LYST: variants seen among roughly 807,000 people sequenced by gnomAD.
LYST encodes lysosomal trafficking regulator.
LYST carries 192 observed loss-of-function variants against 413.6 expected under a neutral mutation model. The observed-to-expected ratio is 0.46, with a 90% confidence interval of 0.41 to 0.52. The LOEUF (loss-of-function observed/expected upper bound fraction) is 0.52. Among genes scored for constraint, LYST ranks in the 20% least tolerant of loss-of-function variants. LYST has a pLI of 0.00. For synonymous variants in LYST, 1,525 were observed against 1,567.3 expected (o/e 0.97, Z 0.64); for missense variants, 3,815 against 4,499.9 (o/e 0.85, Z 4.35).
chr1:235,707,727 T>C (rs1170055088), intron 44 of LYST, among the ~76,000 whole-genome samples: 2 of 152,216 alleles, frequency 1.3e-5, no homozygotes, highest in Non-Finnish European at 2.9e-5. Context: ...GAAATATTAA[T>C]TTTAATAGCA....
chr1:235,693,332 A>T lies in LYST; in HGVS notation c.10701+18T>A. Reference sequence around the variant, plus strand: ...TCCGTCTTAAAAATAAATAAATAAAATAAAATAAAGTGTTTACCTGGTACT... The same window carrying T: ...TCCGTCTTAAAAATAAATAAATAAATTAAAATAAAGTGTTTACCTGGTACT... On this transcript the variant is annotated intron_variant, in intron 47 of 52. Transcript: ENST00000389793. The T allele has an allele frequency of 6.4e-7, 1 of 1,568,356 alleles. No homozygotes were observed. Among genetic ancestry groups the T allele is most frequent in the Non-Finnish European group, 8.8e-7 (1 of 1,140,452 alleles).
At chr1:235,734,408 T>C in intron 32 of LYST, 75 bp downstream of exon 32, 1 of 1,167,604 alleles carries the variant, frequency 8.6e-7, no homozygotes, top group South Asian at 1.2e-5. Context: ...TAGCCTGTTC[T>C]TAAAAAAGTA....
In LYST at chr1:235,712,105, G is replaced by A. The variant is rs779619770; in HGVS notation, c.9877C>T (p.Leu3293Phe). The A allele has an allele frequency of 1.9e-6, 3 of 1,559,598 alleles. No homozygotes were observed. Among genetic ancestry groups the A allele is most frequent in the Non-Finnish European group, 2.6e-6 (3 of 1,147,702 alleles). Reference sequence around the variant, plus strand: ...GGAAGATAGAAAAACTCTGGGATAAGTTCTTTCACATCAGTCATAGATTCA... The same window carrying A: ...GGAAGATAGAAAAACTCTGGGATAAATTCTTTCACATCAGTCATAGATTCA... The part of the protein sequence containing the change: ...SFESMTDVKE[L>F]IPEFFYLPEF... Residue 3293 changes from leucine (L) to phenylalanine (F), a missense_variant, in exon 43 of 53, where the codon CTT (leucine) becomes TTT (phenylalanine). By Grantham distance (22) the Leu-to-Phe change is conservative. Coordinates refer to ENST00000389793, the MANE Select transcript of LYST (RefSeq NM_000081.4).
At chr1:235,882,069 CTCTT>C (rs1217999438) in intron 1 of LYST, among the ~76,000 whole-genome samples, 1 of 143,086 alleles carries the variant, frequency 7.0e-6, no homozygotes, top group Admixed American at 7.2e-5. Flanking sequence ...CACACACACA[CTCTT>C]TCTTTCACAC....
intron 43 of LYST, among the ~76,000 whole-genome samples, chr1:235,711,290 T>G (rs1662385062): frequency 6.6e-6 from 1 of 152,188 alleles, no homozygotes; most frequent in South Asian, 2.1e-4. Flanking sequence ...TGCTGATGTT[T>G]GACTGAGGCA....
chr1:235,771,621 A>T (rs763781311), intron 19 of LYST, among the ~76,000 whole-genome samples: 2 of 151,972 alleles, frequency 1.3e-5, no homozygotes, highest in African/African-American at 4.8e-5. Flanking sequence ...ATCTGAAAGT[A>T]TATATTTATT....
intron 25 of LYST, among the ~76,000 whole-genome samples, chr1:235,753,562 T>C: frequency 6.6e-6 from 1 of 152,164 alleles, no homozygotes; most frequent in Non-Finnish European, 1.5e-5. Context: ...GCCCTTTATG[T>C]CCAAAGAAAC....
At chr1:235,682,037 C>T (rs528271314) in intron 48 of LYST, among the ~76,000 whole-genome samples, 27 of 152,152 alleles carry the variant, frequency 1.8e-4, no homozygotes, top group African/African-American at 2.9e-4. Flanking sequence ...GAAGATTTAA[C>T]ATGTGGCTCA....
Position 235,703,224 on chromosome 1 carries a change from T to C in LYST, c.10144-247A>G, listed in dbSNP as rs1661689976. 2.0e-5 allele frequency among the ~76,000 whole-genome samples: 3 copies of C among 152,192 alleles called. No individual in the cohort carries two copies. In the South Asian group the frequency reaches 6.2e-4, roughly 31 times the overall value. On this transcript the variant is annotated intron_variant, in intron 44 of 52. Transcript: ENST00000389793. ...TTATGTTTATAAAATTAGCTTTTAA[T>C]TTAAGATCTGAGAATATCATATATG...
At chr1:235,779,914 A>G (rs1380099800) in intron 16 of LYST, among the ~76,000 whole-genome samples, 1 of 152,118 alleles carries the variant, frequency 6.6e-6, no homozygotes, top group Non-Finnish European at 1.5e-5. Flanking sequence ...GATCTACTAG[A>G]TTTTAGTAGA....
At chr1:235,776,822 A>T (rs1669298748) in intron 17 of LYST, among the ~76,000 whole-genome samples, 1 of 152,092 alleles carries the variant, frequency 6.6e-6, no homozygotes. Flanking sequence ...TACATTTAAC[A>T]TTTAATTGTA....
chr1:235,677,283 T>C (rs1659454796), intron 49 of LYST, 95 bp from the exon 50 acceptor site: 1 of 1,105,096 alleles, frequency 9.0e-7, no homozygotes, highest in Non-Finnish European at 1.4e-6. Context: ...GTACCTATTG[T>C]ACATAAGGCA....
chr1:235,864,285 AT>A (rs1298744164), intron 1 of LYST, among the ~76,000 whole-genome samples: 3 of 151,952 alleles, frequency 2.0e-5, no homozygotes, highest in Non-Finnish European at 2.9e-5. Flanking sequence ...ATCATTGAAT[AT>A]TTTTTTCTTT....
intron 48 of LYST, among the ~76,000 whole-genome samples, chr1:235,681,450 T>C (rs1371682034): frequency 6.6e-6 from 1 of 152,080 alleles, no homozygotes; most frequent in Admixed American, 6.6e-5. Context: ...GTCACTGAAG[T>C]GTCTGGGGCA....
At chr1:235,720,939 T>C (rs1233396039) in intron 39 of LYST, 34 bp from the exon 40 acceptor site, 1 of 1,605,854 alleles carries the variant, frequency 6.2e-7, no homozygotes, top group Non-Finnish European at 8.5e-7. Flanking sequence ...AACCCAGATA[T>C]TATTTTTAGT....
intron 47 of LYST, 28 bp from the exon 48 acceptor site, chr1:235,687,075 T>G (rs1310227206): frequency 7.0e-6 from 10 of 1,430,382 alleles, no homozygotes; most frequent in African/African-American, 1.4e-5. Flanking sequence ...TCAAAGATTA[T>G]CATGTTTTAA....
At position 235,738,528 on chromosome 1, in the gene LYST, A is replaced by G. The variant is rs1395802111; in HGVS notation, c.8358+2894T>C. 1.9e-6 allele frequency: 3 copies of G among 1,611,732 alleles called. No individual in the cohort carries two copies. The East Asian group carries it at 6.7e-5, about 36-fold the overall frequency. On this transcript the variant is annotated intron_variant, in intron 31 of 52. Transcript: ENST00000389793. Reference sequence around the variant, plus strand: ...CCAATTCCGTTACCCAATGGGGGAAAGGCTGGGAGTTCACACATTAAGCTG... The same window carrying G: ...CCAATTCCGTTACCCAATGGGGGAAGGGCTGGGAGTTCACACATTAAGCTG...
chr1:235,791,927 C>G lies in LYST; in HGVS notation c.4315G>C (p.Asp1439His), dbSNP rs1357145497. 2 of 1,614,138 alleles carry G rather than the reference C, an allele frequency of 1.2e-6. No homozygotes were observed. The highest frequency in any genetic ancestry group is 1.7e-4 in the Middle Eastern group (1 of 6,060). ...ARVSRSKKEA[D>H]RESFPHRLLS... ...AGCCGATGGGGAAAACTCTCTCTAT[C>G]AGCCTCTTTCTTGCTCCGTGAAACT... The change falls in exon 12 of 53, where the codon GAT becomes CAT. Residue 1439 changes from aspartate (D) to histidine (H), a missense_variant. Asp to His is a moderately conservative substitution (Grantham distance 81). Coordinates refer to ENST00000389793, the MANE Select transcript of LYST (RefSeq NM_000081.4).
At chr1:235,765,373 G>C (rs1668035138) in intron 21 of LYST, among the ~76,000 whole-genome samples, 1 of 152,038 alleles carries the variant, frequency 6.6e-6, no homozygotes, top group African/African-American at 2.4e-5. Context: ...ACTGCCCCTA[G>C]TTCCTTATTC....
Sources: allele counts gnomAD v4.1 joint callset (sites outside exome capture counted in the v4.1 genomes callset), GRCh38; gene constraint gnomAD v4.1.1; transcripts MANE v1.5; gene names NCBI Gene and HGNC (gene_info 2026-07-23, HGNC 2026-07-21).